STXBP6: variants seen among roughly 807,000 people sequenced by gnomAD.
STXBP6 encodes the protein syntaxin binding protein 6.
In STXBP6, 21 loss-of-function variants were observed where a neutral mutation model predicts 26.9. That is an observed-to-expected ratio of 0.78 (90% CI 0.55 to 1.12). The LOEUF is 1.12. Ranked by LOEUF, STXBP6 falls within the 50% of genes most tolerant of loss-of-function variation. STXBP6 has a pLI of 0.00. For synonymous variants in STXBP6, 97 were observed against 92.6 expected (o/e 1.05, Z -0.27); for missense variants, 232 against 257.9 (o/e 0.90, Z 0.69).
At chr14:24,816,331 G>A (rs1309752160) in intron 5 of STXBP6, 2 of 152,184 alleles carry the variant, frequency 1.3e-5, no homozygotes, top group Non-Finnish European at 2.9e-5. Context: ...TAAAATGACA[G>A]CTTCATGGTC....
At chr14:24,864,649 G>A (rs554423140) in intron 2 of STXBP6, among the ~76,000 whole-genome samples, 1 of 152,222 alleles carries the variant, frequency 6.6e-6, no homozygotes, top group East Asian at 1.9e-4. Context: ...CAGATTTGAA[G>A]GAGAAAGAGT....
chr14:24,981,551 C>T (rs2074192266), intron 1 of STXBP6, among the ~76,000 whole-genome samples: 3 of 152,072 alleles, frequency 2.0e-5, no homozygotes, highest in South Asian at 4.1e-4. Context: ...ATTACAGGTG[C>T]GTGCCCAGCC....
intron 1 of STXBP6, among the ~76,000 whole-genome samples, chr14:24,978,265 C>T (rs2074101252): frequency 6.6e-6 from 1 of 152,218 alleles, no homozygotes; most frequent in African/African-American, 2.4e-5. Flanking sequence ...GTATTTTAAA[C>T]AACTCTAACT....
intron 2 of STXBP6, among the ~76,000 whole-genome samples, chr14:24,926,731 T>C (rs2072184927): frequency 6.6e-6 from 1 of 151,674 alleles, no homozygotes; most frequent in Non-Finnish European, 1.5e-5. Flanking sequence ...GCTGTGCAGT[T>C]CATATCCCAG....
chr14:25,020,644 C>T (rs1378249612), intron 1 of STXBP6, among the ~76,000 whole-genome samples: 1 of 152,170 alleles, frequency 6.6e-6, no homozygotes, highest in African/African-American at 2.4e-5. Flanking sequence ...ATCAAATGGT[C>T]TACCCTTTGA....
chr14:25,048,748 C>G (rs902880111), intron 1 of STXBP6, among the ~76,000 whole-genome samples: 1 of 152,216 alleles, frequency 6.6e-6, no homozygotes, highest in African/African-American at 2.4e-5. Flanking sequence ...CCTCCACCCC[C>G]AGGGTGGCTC....
chr14:24,989,204 C>T (rs1451924868), intron 1 of STXBP6, among the ~76,000 whole-genome samples: 1 of 152,160 alleles, frequency 6.6e-6, no homozygotes, highest in Non-Finnish European at 1.5e-5. Context: ...TCTCAGGTGA[C>T]CATCATCCAG....
intron 2 of STXBP6, among the ~76,000 whole-genome samples, chr14:24,886,581 GT>G (rs1165075073): frequency 3.9e-5 from 6 of 152,108 alleles, no homozygotes. Flanking sequence ...CTGGAATTTG[GT>G]AGTATTAATT....
At chr14:24,954,456 T>C (rs772328446) in intron 2 of STXBP6, among the ~76,000 whole-genome samples, 1 of 152,148 alleles carries the variant, frequency 6.6e-6, no homozygotes, top group Non-Finnish European at 1.5e-5. Flanking sequence ...TTTGCTTTTG[T>C]ATGTGGTGTA....
At chr14:24,846,688 C>CA (rs1444593079) in intron 4 of STXBP6, among the ~76,000 whole-genome samples, 1 of 152,146 alleles carries the variant, frequency 6.6e-6, no homozygotes, top group East Asian at 1.9e-4. Context: ...AATGCTCTAA[C>CA]TTCTTGCAAT....
chr14:25,027,911 A>T (rs1256428324), intron 1 of STXBP6, among the ~76,000 whole-genome samples: 3 of 152,254 alleles, frequency 2.0e-5, no homozygotes, highest in Non-Finnish European at 4.4e-5. Flanking sequence ...CAGCTACAGC[A>T]TTCCCTTAAG....
chr14:24,882,779 G>T (rs2070422139), intron 2 of STXBP6, among the ~76,000 whole-genome samples: 1 of 150,742 alleles, frequency 6.6e-6, no homozygotes, highest in African/African-American at 2.5e-5. Context: ...TCCACTATAA[G>T]TTTATTTGTT....
intron 2 of STXBP6, among the ~76,000 whole-genome samples, chr14:24,911,429 A>G (rs1331919482): frequency 6.6e-6 from 1 of 151,890 alleles, no homozygotes; most frequent in African/African-American, 2.4e-5. Flanking sequence ...AAGGAAAGGA[A>G]GGAAAGAAAG....
intron 2 of STXBP6, among the ~76,000 whole-genome samples, chr14:24,959,571 G>C (rs1243057392): frequency 6.6e-6 from 1 of 152,212 alleles, no homozygotes; most frequent in Non-Finnish European, 1.5e-5. Flanking sequence ...CTTCAGGTAA[G>C]ATGTGGCACA....
chr14:24,998,939 A>C (rs946879166), intron 1 of STXBP6, among the ~76,000 whole-genome samples: 2 of 152,190 alleles, frequency 1.3e-5, no homozygotes, highest in African/African-American at 4.8e-5. Context: ...TAATGCCTTC[A>C]ACCTTAACTA....
At chr14:24,822,856 C>T (rs900733120) in intron 4 of STXBP6, among the ~76,000 whole-genome samples, 9 of 152,136 alleles carry the variant, frequency 5.9e-5, no homozygotes, top group African/African-American at 2.2e-4. Flanking sequence ...GCATGTTGCT[C>T]AGACAGGGAG....
At chr14:24,963,539 T>A (rs1264884457) in intron 2 of STXBP6, among the ~76,000 whole-genome samples, 2 of 152,204 alleles carry the variant, frequency 1.3e-5, no homozygotes, top group East Asian at 1.9e-4. Flanking sequence ...ATGAAAATCC[T>A]CAGAGAGGTT....
chr14:24,941,516 C>T (rs2072802369), intron 2 of STXBP6, among the ~76,000 whole-genome samples: 2 of 152,034 alleles, frequency 1.3e-5, no homozygotes, highest in Admixed American at 6.5e-5. Context: ...TTGTATGTAG[C>T]GGTAGGGAAA....
intron 2 of STXBP6, among the ~76,000 whole-genome samples, chr14:24,926,706 C>T (rs1252132429): frequency 6.6e-6 from 1 of 152,074 alleles, no homozygotes; most frequent in Non-Finnish European, 1.5e-5. Flanking sequence ...CGGTTAAGAG[C>T]AGCCTCTGAA....
Sources: gnomAD v4.1 joint callset for allele counts (sites outside exome capture counted in the v4.1 genomes callset) on GRCh38, gnomAD v4.1.1 for gene constraint, MANE v1.5 for transcripts, NCBI Gene and HGNC (gene_info 2026-07-23, HGNC 2026-07-21) for gene names.